The following ADAMTS2 variants were observed in gnomAD, a reference collection of about 807,000 sequenced individuals.
ADAMTS2 encodes A disintegrin and metalloproteinase with thrombospondin motifs 2.
ADAMTS2 carries 50 observed loss-of-function variants against 123.0 expected under a neutral mutation model. The observed-to-expected ratio is 0.41, with a 90% CI of 0.32 to 0.51. The LOEUF (loss-of-function observed/expected upper bound fraction) is 0.51. Ranked by LOEUF, ADAMTS2 falls within the 20% of genes least tolerant of loss-of-function variation. The pLI is 0.35. For missense variants in ADAMTS2, 1,494 were observed against 1,705.2 expected, an observed-to-expected ratio of 0.88 and a Z score of 2.18; for synonymous variants, 678 against 695.4, an observed-to-expected ratio of 0.98 and a Z score of 0.39.
In ADAMTS2 at chr5:179,117,212, G is replaced by A. The variant is rs55849753; in HGVS notation, c.3179-2888C>T. Among the ~76,000 whole-genome samples, 35,185 of 152,038 alleles carry A rather than the reference G, an allele frequency of 0.23. 5,048 individuals are homozygous for A. Among genetic ancestry groups the A allele is most frequent in the Admixed American group, 0.35 (5,319 of 15,286 alleles). ...AGCCCTACCCTCAGGGAAACACAGGGGGTTCTGGATAAGAGCTGATGGTGG... is the reference window on the plus strand; with the variant it reads ...AGCCCTACCCTCAGGGAAACACAGGAGGTTCTGGATAAGAGCTGATGGTGG... On this transcript the variant is annotated intron_variant, in intron 21 of 21. Coordinates refer to ENST00000251582, the MANE Select transcript of ADAMTS2 (RefSeq NM_014244.5). The surrounding 1 kb of genome is among the most constrained non-coding windows in gnomAD (Gnocchi z 4.2).
chr5:179,258,404 T>C (rs1167289711), intron 3 of ADAMTS2, among the ~76,000 whole-genome samples: 4 of 152,158 alleles, frequency 2.6e-5, no homozygotes, highest in African/African-American at 9.7e-5. Flanking sequence ...GGACGTCGCC[T>C]GGCCAGACTT....
chr5:179,214,175 A>G (rs953489454), intron 3 of ADAMTS2, among the ~76,000 whole-genome samples: 16 of 107,310 alleles, frequency 1.5e-4, no homozygotes, highest in Non-Finnish European at 2.4e-4. Context: ...ACACAACTCA[A>G]AAATCGTGCT....
rs1397010416 is a variant in ADAMTS2 at position 179,307,742 on chromosome 5, C to G, written c.535-34678G>C. On this transcript the variant is annotated intron_variant, in intron 2 of 21. Transcript: ENST00000251582. This position sits in a 1 kb window ranked among gnomAD's most constrained non-coding sequence, Gnocchi z 5.6. ...AGCACCTGCCTCAGGGCCTTTGCAC[C>G]TGCTGCTGCCTCCACCTGGAATGGC... 6.6e-6 allele frequency among the ~76,000 whole-genome samples: 1 copy of G among 152,224 alleles called. No homozygotes were observed. Among genetic ancestry groups the G allele is most frequent in the African/African-American group, 2.4e-5 (1 of 41,456 alleles).
intron 5 of ADAMTS2, among the ~76,000 whole-genome samples, chr5:179,179,289 G>A (rs1452044059): frequency 1.3e-5 from 2 of 151,248 alleles, no homozygotes; most frequent in East Asian, 3.9e-4. Context: ...AAATGAATTG[G>A]ATTTTTTTAG....
Position 179,197,028 on chromosome 5 carries a change from ATTTACT to A in ADAMTS2, c.891+10479_891+10484del, listed in dbSNP as rs1764445987. On this transcript the variant is annotated intron_variant, in intron 4 of 21. Transcript: ENST00000251582. This position sits in a 1 kb window ranked among gnomAD's most constrained non-coding sequence, Gnocchi z 4.2. ...GCTTTCATGCAAGTAATACGTCCAA[ATTTACT>A]TTAATGTAAAACTGATGTTTTAAAA... Among the ~76,000 whole-genome samples, 1 of 152,220 alleles carries A rather than the reference ATTTACT, an allele frequency of 6.6e-6. No homozygotes were observed. Among genetic ancestry groups the A allele is most frequent in the Non-Finnish European group, 1.5e-5 (1 of 68,036 alleles).
rs140105477 is a variant in ADAMTS2, at chr5:179,188,937, T to G, written c.892-7782A>C. ...ATTACAAACCTTCCCGGGTTTGTAC[T>G]AACGACGGCAAGAGGCTGCCCCTCC... On this transcript the variant is annotated intron_variant, in intron 4 of 21. Transcript: ENST00000251582. This position sits in a 1 kb window ranked among gnomAD's most constrained non-coding sequence, Gnocchi z 5.1. Among the ~76,000 whole-genome samples the G allele has an allele frequency of 3.8e-3, 584 of 152,220 alleles. 2 individuals are homozygous for G. Among genetic ancestry groups the G allele is most frequent in the Middle Eastern group, 6.8e-3 (2 of 294 alleles).
At position 179,281,503 on chromosome 5, in the gene ADAMTS2, G is replaced by A. The variant is rs1260505326; in HGVS notation, c.535-8439C>T. On this transcript the variant is annotated intron_variant, in intron 2 of 21. Coordinates refer to ENST00000251582, the MANE Select transcript of ADAMTS2 (RefSeq NM_014244.5). ...TATGTTTTCAAGGTTCATCCATGGT[G>A]TAGCATATAGCAGTATTTCATTCCT... Among the ~76,000 whole-genome samples, 3 of 152,334 alleles carry A rather than the reference G, an allele frequency of 2.0e-5. No individual in the cohort carries two copies. In the South Asian group the frequency reaches 6.2e-4, roughly 32 times the overall value.
intron 10 of ADAMTS2, among the ~76,000 whole-genome samples, chr5:179,145,794 T>C (rs1763240944): frequency 6.6e-6 from 1 of 152,204 alleles, no homozygotes; most frequent in Non-Finnish European, 1.5e-5. Context: ...TTGTTTGTTG[T>C]GATGGCTGTA....
chr5:179,343,968 G>A lies in ADAMTS2; in HGVS notation c.333C>T (p.Tyr111=). ...NEEEPGSHLF[Y]NVTVFGRDLH... ...GGTCTCGGCCAAAGACCGTGACATT[G>A]TAGAAGAGGTGACTGCCAGGCTCCT... is the stretch of plus-strand genomic sequence containing the variant. Residue 111 remains tyrosine (Y), a synonymous_variant, in exon 2 of 22, where the codon TAC becomes TAT. Coordinates refer to ENST00000251582, the MANE Select transcript of ADAMTS2 (RefSeq NM_014244.5). The A allele has an allele frequency of 1.2e-6, 2 of 1,612,438 alleles. No homozygotes were observed. Among genetic ancestry groups the A allele is most frequent in the East Asian group, 2.2e-5 (1 of 44,836 alleles).
rs78925498 is a variant in ADAMTS2, at chr5:179,325,912, G to C, written c.534+17855C>G. Among the ~76,000 whole-genome samples, 179 of 152,332 alleles carry C rather than the reference G, an allele frequency of 1.2e-3. 2 individuals are homozygous for C. In the East Asian group the frequency reaches 0.03, roughly 26 times the overall value. On this transcript the variant is annotated intron_variant, in intron 2 of 21. Coordinates refer to ENST00000251582, the MANE Select transcript of ADAMTS2 (RefSeq NM_014244.5). Reference sequence around the variant, plus strand: ...CAGGTGTGGATGGGAGGACAGGAGCGAGGCCAGCCGCCTCTGGGCCACACC... The same window carrying C: ...CAGGTGTGGATGGGAGGACAGGAGCCAGGCCAGCCGCCTCTGGGCCACACC...
intron 6 of ADAMTS2, among the ~76,000 whole-genome samples, chr5:179,156,951 T>A (rs924264787): frequency 2.0e-5 from 3 of 149,962 alleles, no homozygotes; most frequent in Non-Finnish European, 4.4e-5. Flanking sequence ...TGGCTGTCCT[T>A]TCATTTTTTC....
chr5:179,343,212 A>G (rs955035880), intron 2 of ADAMTS2, among the ~76,000 whole-genome samples: 21 of 152,212 alleles, frequency 1.4e-4, no homozygotes, highest in Non-Finnish European at 2.6e-4. Context: ...GCACGCAAGG[A>G]AACAGGAAGA....
chr5:179,205,142 C>T (rs116697070), intron 4 of ADAMTS2, among the ~76,000 whole-genome samples: 2,490 of 152,294 alleles, frequency 0.016, 77 homozygotes, highest in African/African-American at 0.057. Flanking sequence ...AGTGAGAGAA[C>T]GTTCTAGACA....
chr5:179,340,053 C>A (rs1757729832), intron 2 of ADAMTS2, among the ~76,000 whole-genome samples: 1 of 152,264 alleles, frequency 6.6e-6, no homozygotes, highest in Non-Finnish European at 1.5e-5. Context: ...TTTCTTCTTG[C>A]CATGCAACCT....
At position 179,152,266 on chromosome 5, in the gene ADAMTS2, G is replaced by A. The variant is rs1316485919; in HGVS notation, c.1516-11C>T. 1 of 1,613,118 alleles carries A rather than the reference G, an allele frequency of 6.2e-7. No individual in the cohort carries two copies. Among genetic ancestry groups the A allele is most frequent in the East Asian group, 2.2e-5 (1 of 44,862 alleles). ...GTCAAAGGTCCGGAACTGGAAGACA[G>A]CACCATAGCTTGCCAGGTCCCTCCC... is the stretch of plus-strand genomic sequence containing the variant. On this transcript the variant is annotated splice_polypyrimidine_tract_variant and intron_variant, in intron 9 of 21. Transcript: ENST00000251582.
At chr5:179,253,078 G>A (rs1765964420) in intron 3 of ADAMTS2, among the ~76,000 whole-genome samples, 1 of 152,168 alleles carries the variant, frequency 6.6e-6, no homozygotes, top group Non-Finnish European at 1.5e-5. Context: ...GCTTGCCTTT[G>A]GCGGCCTGAT....
intron 10 of ADAMTS2, among the ~76,000 whole-genome samples, chr5:179,147,913 CA>C (rs1763282110): frequency 6.6e-6 from 1 of 152,052 alleles, no homozygotes; most frequent in Non-Finnish European, 1.5e-5. Flanking sequence ...CTTATTTTTG[CA>C]AAATTTACAA....
intron 4 of ADAMTS2, among the ~76,000 whole-genome samples, chr5:179,183,611 GGTCCCCTGCACCCCAGA>G (rs1764099190): frequency 6.6e-6 from 1 of 152,208 alleles, no homozygotes; most frequent in Non-Finnish European, 1.5e-5. Flanking sequence ...CAGATGCCAG[GGTCCCCTGCACCCCAGA>G]GACACATGGG....
chr5:179,217,840 AG>A (rs1765032271), intron 3 of ADAMTS2, among the ~76,000 whole-genome samples: 1 of 99,460 alleles, frequency 1.0e-5, no homozygotes, highest in South Asian at 3.5e-4. Flanking sequence ...GAGGGCAGAC[AG>A]GCACACTCAC....
Sources: gnomAD v4.1 joint callset for allele counts (sites outside exome capture counted in the v4.1 genomes callset) on GRCh38, gnomAD v4.1.1 for gene constraint, Gnocchi (gnomAD v3.1) non-coding constraint, MANE v1.5 for transcripts, NCBI Gene and HGNC (gene_info 2026-07-23, HGNC 2026-07-21) for gene names.